The following DOT1L variants were observed in gnomAD, a reference collection of about 807,000 sequenced individuals.
DOT1L encodes DOT1 like histone lysine methyltransferase.
In DOT1L, 33 loss-of-function variants were observed where a neutral mutation model predicts 153.3. The observed-to-expected ratio is 0.22, with a 90% CI of 0.16 to 0.29. The LOEUF (loss-of-function observed/expected upper bound fraction) is 0.29, where lower values mean the gene tolerates loss of function less well. DOT1L is among the 10% of genes least tolerant of loss of function. The probability of loss-of-function intolerance (pLI) is 1.00; values close to 1 mark genes in which losing one functional copy is unlikely to be tolerated. For synonymous variants in DOT1L, 1,135 were observed against 965.1 expected (o/e 1.18, Z -3.26); for missense variants, 1,847 against 2,119.9 (o/e 0.87, Z 2.53).
chr19:2,216,777 G>A lies in DOT1L; in HGVS notation c.2408+12G>A. ...GAGCTGCATTCGAGGTGAGTGCCCT[G>A]GTGGGGCTGGGGGTCTGCAGCTGGT... On this transcript the variant is annotated intron_variant, in intron 20 of 27. Coordinates refer to ENST00000398665, the MANE Select transcript of DOT1L (RefSeq NM_032482.3). 1.3e-6 allele frequency: 2 copies of A among 1,581,578 alleles called. No homozygotes were observed. Among genetic ancestry groups the A allele is most frequent in the Non-Finnish European group, 1.7e-6 (2 of 1,167,442 alleles).
intron 3 of DOT1L, among the ~76,000 whole-genome samples, chr19:2,187,373 G>A (rs1406515587): frequency 6.6e-6 from 1 of 152,232 alleles, no homozygotes; most frequent in Non-Finnish European, 1.5e-5. Flanking sequence ...TGGGTGTGTG[G>A]CGTCCTTCCT....
At position 2,194,782 on chromosome 19, in the gene DOT1L, G is replaced by T. The variant is rs187063148; in HGVS notation, c.651+205G>T. Among the ~76,000 whole-genome samples, 580 of 152,310 alleles carry T rather than the reference G, an allele frequency of 3.8e-3. 5 individuals are homozygous for T. The highest frequency in any genetic ancestry group is 0.013 in the African/African-American group (542 of 41,568). ...CGCCTCTGTTGGTACCGTCCCTCTCGTCCTCTCTGACATGGCTTCTGTCCC... is the reference window on the plus strand; with the variant it reads ...CGCCTCTGTTGGTACCGTCCCTCTCTTCCTCTCTGACATGGCTTCTGTCCC... On this transcript the variant is annotated intron_variant, in intron 7 of 27. Coordinates refer to ENST00000398665, the MANE Select transcript of DOT1L (RefSeq NM_032482.3).
chr19:2,214,518 G>A lies in DOT1L; in HGVS notation c.1845G>A (p.Ser615=), dbSNP rs777836214. 16 of 1,613,156 alleles carry A rather than the reference G, an allele frequency of 9.9e-6. No homozygotes were observed. Among genetic ancestry groups the A allele is most frequent in the African/African-American group, 1.3e-5 (1 of 75,050 alleles). ...EELQLDWATL[S]LEKLLKEKQA... is the part of the protein sequence containing the mutation. ...TGCAGCTGGACTGGGCCACGCTGTC[G>A]CTGGAGAAGCTGTTGAAGGAGAAGC... is the stretch of plus-strand genomic sequence containing the variant. Residue 615 remains serine, a synonymous_variant, in exon 19 of 28, where the codon TCG becomes TCA. Coordinates refer to ENST00000398665, the MANE Select transcript of DOT1L (RefSeq NM_032482.3).
chr19:2,196,158 G>A (rs1344361062), intron 7 of DOT1L, among the ~76,000 whole-genome samples: 5 of 152,202 alleles, frequency 3.3e-5, no homozygotes, highest in East Asian at 1.9e-4. Flanking sequence ...AGACCCCTCC[G>A]CACTGTCCCA....
rs2144697599 is a variant in DOT1L at position 2,180,769 on chromosome 19, C to A, written c.125+13C>A. The A allele has an allele frequency of 1.2e-6, 2 of 1,613,806 alleles. No individual in the cohort carries two copies. The highest frequency in any genetic ancestry group is 1.3e-5 in the African/African-American group (1 of 75,046). The stretch of plus-strand genomic sequence containing the variant: ...TCGAGACCATCCGGTGAGTGCACGG[C>A]CTGCAGTGTGTTGTCTTCACAGCCC... On this transcript the variant is annotated intron_variant, in intron 2 of 27. Transcript: ENST00000398665.
chr19:2,228,316 C>G (rs979764750), intron 27 of DOT1L: 1 of 1,342,084 alleles, frequency 7.5e-7, no homozygotes, highest in African/African-American at 1.5e-5. Context: ...CCTCCCTATG[C>G]CGCGCACCTT....
At position 2,199,867 on chromosome 19, in the gene DOT1L, C is replaced by T. The variant is rs2023174982; in HGVS notation, c.652-17C>T. 4 of 1,613,250 alleles carry T rather than the reference C, an allele frequency of 2.5e-6. No homozygotes were observed. In the South Asian group the frequency reaches 4.4e-5, roughly 18 times the overall value. On this transcript the variant is annotated splice_polypyrimidine_tract_variant and intron_variant, in intron 7 of 27. Coordinates refer to ENST00000398665, the MANE Select transcript of DOT1L (RefSeq NM_032482.3). Reference sequence around the variant, plus strand: ...GGGAGGCCGGGGGTCCGCGCTCACACCTGTTTTCCCTTTCAGTTGGAGAGA... The same window carrying T: ...GGGAGGCCGGGGGTCCGCGCTCACATCTGTTTTCCCTTTCAGTTGGAGAGA...
At chr19:2,209,108 T>G in intron 12 of DOT1L, 132 bp downstream of exon 12, 1 of 998,382 alleles carries the variant, frequency 1.0e-6, no homozygotes, top group Non-Finnish European at 1.4e-6. Flanking sequence ...GGCCCGGCCC[T>G]GTGCCCTTTC....
chr19:2,202,864 A>G, intron 9 of DOT1L, 85 bp downstream of exon 9: 1 of 1,402,560 alleles, frequency 7.1e-7, no homozygotes, highest in Non-Finnish European at 1.0e-6. Flanking sequence ...TGTCCTGCAG[A>G]AGGCAGCTCA....
Position 2,223,469 on chromosome 19 carries a change from C to T in DOT1L, c.3579C>T (p.Asp1193=), listed in dbSNP as rs370654948. 31 of 1,609,338 alleles carry T rather than the reference C, an allele frequency of 1.9e-5. No homozygotes were observed. Among genetic ancestry groups the T allele is most frequent in the African/African-American group, 1.7e-4 (13 of 74,588 alleles). The change falls in exon 25 of 28, where the codon GAC becomes GAT. Residue 1193 remains aspartate (D), a synonymous_variant. Coordinates refer to ENST00000398665, the MANE Select transcript of DOT1L (RefSeq NM_032482.3). The part of the protein sequence containing the change: ...LTSDEEPGSE[D]EPSSARIERK... ...CAGACGAGGAGCCAGGCTCTGAGGACGAGCCCAGCAGTGCTCGGCGAGTCC... is the reference window on the plus strand; with the variant it reads ...CAGACGAGGAGCCAGGCTCTGAGGATGAGCCCAGCAGTGCTCGGCGAGTCC...
chr19:2,200,777 CCT>C lies in DOT1L; in HGVS notation c.707+840_707+841del, dbSNP rs143512679. Among the ~76,000 whole-genome samples the C allele has an allele frequency of 7.9e-3, 1,188 of 150,152 alleles. 18 individuals carry two copies. Among genetic ancestry groups the C allele is most frequent in the African/African-American group, 0.028 (1,125 of 40,412 alleles). On this transcript the variant is annotated intron_variant, in intron 8 of 27. Transcript: ENST00000398665. The stretch of plus-strand genomic sequence containing the variant: ...GTCCTCCCCGCATTCTTCATCCTCC[CCT>C]CATTCCTCGTCCTCCCCGCATTCCT...
At chr19:2,225,506 C>G (rs1366068267) in intron 26 of DOT1L, 54 bp downstream of exon 26, 8 of 1,578,842 alleles carry the variant, frequency 5.1e-6, no homozygotes, top group Non-Finnish European at 7.0e-6. Context: ...GGCCGTGGTG[C>G]CCAGTCAGTG....
intron 1 of DOT1L, among the ~76,000 whole-genome samples, chr19:2,172,151 C>T (rs2021669009): frequency 6.6e-6 from 1 of 152,002 alleles, no homozygotes; most frequent in Non-Finnish European, 1.5e-5. Context: ...ATGCAGCTCC[C>T]ACTCCTCGGA....
At chr19:2,175,463 G>A (rs1474129745) in intron 1 of DOT1L, among the ~76,000 whole-genome samples, 1 of 152,174 alleles carries the variant, frequency 6.6e-6, no homozygotes, top group African/African-American at 2.4e-5. Flanking sequence ...ACTGCATCTG[G>A]CCAAGGAGAT....
intron 9 of DOT1L, among the ~76,000 whole-genome samples, chr19:2,203,819 C>T (rs1311741462): frequency 3.3e-5 from 5 of 152,206 alleles, no homozygotes; most frequent in Admixed American, 2.0e-4. Flanking sequence ...TGCCTGCCTT[C>T]CTAGGCTCTC....
chr19:2,223,466 G>GGAC lies in DOT1L; in HGVS notation c.3579_3581dup (p.Asp1193dup). ...CCTCAGACGAGGAGCCAGGCTCTGA[G>GGAC]GACGAGCCCAGCAGTGCTCGGCGAG... On this transcript the variant is annotated inframe_insertion, in exon 25 of 28. Transcript: ENST00000398665. The GGAC allele has an allele frequency of 6.2e-7, 1 of 1,612,382 alleles. No individual in the cohort carries two copies. The highest frequency in any genetic ancestry group is 8.5e-7 in the Non-Finnish European group (1 of 1,179,838).
intron 25 of DOT1L, among the ~76,000 whole-genome samples, chr19:2,224,163 ATCCATCCG>A (rs1213487309): frequency 3.3e-5 from 5 of 152,186 alleles, no homozygotes; most frequent in African/African-American, 1.2e-4. Flanking sequence ...GTGCTCCACC[ATCCATCCG>A]CCCTCCGTGC....
At chr19:2,227,302 C>T in intron 27 of DOT1L, 175 bp downstream of exon 27, 2 of 856,608 alleles carry the variant, frequency 2.3e-6, no homozygotes, top group Non-Finnish European at 4.0e-6. Context: ...GGGGAGAGGG[C>T]TCACGCTGAG....
chr19:2,192,834 A>G (rs1163004981), intron 5 of DOT1L, among the ~76,000 whole-genome samples: 2 of 152,200 alleles, frequency 1.3e-5, no homozygotes, highest in Non-Finnish European at 2.9e-5. Flanking sequence ...CCTGGGTGAC[A>G]GAATCAGACC....
Sources: allele counts gnomAD v4.1 joint callset (sites outside exome capture counted in the v4.1 genomes callset), GRCh38; gene constraint gnomAD v4.1.1; transcripts MANE v1.5; gene names NCBI Gene and HGNC (gene_info 2026-07-23, HGNC 2026-07-21).